The following WDFY4 variants were observed in gnomAD, a reference collection of about 807,000 sequenced individuals.
WDFY4 encodes WDFY family member 4.
Under a neutral mutation model 351.9 loss-of-function variants are expected in WDFY4, and 169 were observed. The ratio of observed to expected loss-of-function variants is 0.48; its 90% CI spans 0.42 to 0.55. The LOEUF (loss-of-function observed/expected upper bound fraction) is 0.55, where lower values mean the gene tolerates loss of function less well. WDFY4 is among the 20% of genes least tolerant of loss of function. The probability of loss-of-function intolerance (pLI) is 0.00; values close to 1 mark genes in which losing one functional copy is unlikely to be tolerated. For missense variants in WDFY4, 3,803 were observed against 3,935.6 expected (o/e 0.97, Z 0.90); for synonymous variants, 1,622 against 1,574.6 (o/e 1.03, Z -0.71).
At chr10:48,759,820 A>T (rs12252585) in intron 12 of WDFY4, among the ~76,000 whole-genome samples, 1,565 of 152,284 alleles carry the variant, frequency 0.01, 26 homozygotes, top group African/African-American at 0.035. Context: ...GCCAGTTCAT[A>T]GTGCTTGAGT....
chr10:48,857,460 G>A (rs775578307), intron 39 of WDFY4, among the ~76,000 whole-genome samples: 3 of 151,682 alleles, frequency 2.0e-5, no homozygotes, highest in African/African-American at 4.8e-5. Flanking sequence ...GCTTTTTGGG[G>A]CCTTCAATGC....
intron 2 of WDFY4, among the ~76,000 whole-genome samples, chr10:48,718,062 G>A (rs1357243274): frequency 2.0e-5 from 3 of 152,154 alleles, no homozygotes; most frequent in Non-Finnish European, 4.4e-5. Flanking sequence ...GTTTGGTATT[G>A]TCAGGTATTT....
At chr10:48,699,567 C>A (rs2063423747) in intron 1 of WDFY4, among the ~76,000 whole-genome samples, 1 of 152,156 alleles carries the variant, frequency 6.6e-6, no homozygotes, top group Non-Finnish European at 1.5e-5. Flanking sequence ...CAGTGAGTTG[C>A]AGGCTCCTGC....
intron 16 of WDFY4, 69 bp downstream of exon 16, chr10:48,777,053 ATTGATTGCAAAC>A: frequency 6.8e-7 from 1 of 1,461,396 alleles, no homozygotes. Context: ...GAATTATAAT[ATTGATTGCAAAC>A]TTGTAGTTCC....
At chr10:48,718,002 ACT>A (rs1374217548) in intron 2 of WDFY4, among the ~76,000 whole-genome samples, 1 of 151,812 alleles carries the variant, frequency 6.6e-6, no homozygotes, top group Non-Finnish European at 1.5e-5. Context: ...TCCAACCGAT[ACT>A]CTGTCAGTAG....
chr10:48,848,513 C>T (rs768867476), intron 39 of WDFY4, among the ~76,000 whole-genome samples: 3 of 152,180 alleles, frequency 2.0e-5, no homozygotes, highest in Non-Finnish European at 2.9e-5. Flanking sequence ...TCGTAGGTGG[C>T]GTCAGCAGGT....
At chr10:48,957,829 G>C (rs1046016171) in intron 52 of WDFY4, among the ~76,000 whole-genome samples, 13 of 152,214 alleles carry the variant, frequency 8.5e-5, no homozygotes, top group Admixed American at 2.0e-4. Context: ...CTGCTATAGA[G>C]GTGGAACAAA....
chr10:48,899,869 G>A (rs546869298), intron 45 of WDFY4, among the ~76,000 whole-genome samples: 41 of 152,190 alleles, frequency 2.7e-4, no homozygotes, highest in Non-Finnish European at 5.3e-4. Flanking sequence ...TCAGTTTCTG[G>A]TAAGTTGACC....
chr10:48,964,147 T>A, intron 54 of WDFY4, 93 bp downstream of exon 54: 7 of 1,370,832 alleles, frequency 5.1e-6, no homozygotes, highest in Non-Finnish European at 7.1e-6. Flanking sequence ...AGGAGATGGC[T>A]GAAGAGGTGA....
chr10:48,766,328 T>C (rs1186483546), intron 13 of WDFY4, among the ~76,000 whole-genome samples: 2 of 152,192 alleles, frequency 1.3e-5, no homozygotes, highest in Non-Finnish European at 2.9e-5. Flanking sequence ...TGGTGACTCA[T>C]GCCTGTAATT....
chr10:48,849,508 G>A (rs183021990), intron 39 of WDFY4, among the ~76,000 whole-genome samples: 10 of 152,146 alleles, frequency 6.6e-5, no homozygotes, highest in African/African-American at 2.2e-4. Flanking sequence ...TTAATACAAC[G>A]AGCTGTTGAC....
At chr10:48,697,093 C>T (rs1345290011) in intron 1 of WDFY4, among the ~76,000 whole-genome samples, 4 of 152,108 alleles carry the variant, frequency 2.6e-5, no homozygotes, top group Admixed American at 6.5e-5. Flanking sequence ...GAGTCAAGGC[C>T]AGAGGTTGTC....
chr10:48,786,878 G>C lies in WDFY4; in HGVS notation c.3808+8G>C. 1 of 1,548,826 alleles carries C rather than the reference G, an allele frequency of 6.5e-7. No homozygotes were observed. The highest frequency in any genetic ancestry group is 2.4e-5 in the East Asian group (1 of 40,896). ...AAGCTGTGCATGTCCAAGGTATGGA[G>C]TGTTTTGATTTACAATGTTCTTGCT... On this transcript the variant is annotated splice_region_variant and intron_variant, in intron 20 of 61. Coordinates refer to ENST00000325239, the MANE Select transcript of WDFY4 (RefSeq NM_001394531.1).
chr10:48,957,054 G>A, intron 51 of WDFY4, 75 bp from the exon 52 acceptor site: 1 of 1,509,356 alleles, frequency 6.6e-7, no homozygotes, highest in South Asian at 1.2e-5. Context: ...TGCCTCTGAG[G>A]CAGAATGGAC....
chr10:48,894,892 G>C (rs911802958), intron 44 of WDFY4, among the ~76,000 whole-genome samples: 2 of 152,222 alleles, frequency 1.3e-5, no homozygotes, highest in Non-Finnish European at 2.9e-5. Flanking sequence ...ATGTGTAGGA[G>C]CAGCTCAGCT....
chr10:48,818,272 G>A (rs897418834), intron 32 of WDFY4, among the ~76,000 whole-genome samples: 2 of 152,300 alleles, frequency 1.3e-5, no homozygotes, highest in African/African-American at 4.8e-5. Flanking sequence ...TACATAGGGG[G>A]GTTTATAATC....
At chr10:48,954,963 G>A (rs905372691) in intron 51 of WDFY4, among the ~76,000 whole-genome samples, 3 of 151,944 alleles carry the variant, frequency 2.0e-5, no homozygotes, top group Non-Finnish European at 2.9e-5. Flanking sequence ...ACAATATTTC[G>A]TATGTATATA....
chr10:48,896,841 G>T (rs1454744718), intron 44 of WDFY4, among the ~76,000 whole-genome samples: 1 of 152,130 alleles, frequency 6.6e-6, no homozygotes, highest in Non-Finnish European at 1.5e-5. Flanking sequence ...CAGTTACCTT[G>T]TCCAGCCCCT....
chr10:48,774,381 C>A, intron 13 of WDFY4, 77 bp from the exon 14 acceptor site: 1 of 1,469,444 alleles, frequency 6.8e-7, no homozygotes, highest in Non-Finnish European at 9.3e-7. Flanking sequence ...TCACCCCAGG[C>A]CAAGTTGGAG....
Sources: allele counts gnomAD v4.1 joint callset (sites outside exome capture counted in the v4.1 genomes callset), GRCh38; gene constraint gnomAD v4.1.1; transcripts MANE v1.5; gene names NCBI Gene and HGNC (gene_info 2026-07-23, HGNC 2026-07-21).